FAM228B: variants seen among roughly 807,000 people sequenced by gnomAD.
FAM228B encodes the protein protein FAM228B.
Under a neutral mutation model 42.6 loss-of-function variants are expected in FAM228B, and 38 were observed. That is an observed-to-expected ratio of 0.89 (90% CI 0.69 to 1.17). The LOEUF (loss-of-function observed/expected upper bound fraction) is 1.17, where lower values mean the gene tolerates loss of function less well. Among genes scored for constraint, FAM228B ranks in the 50% most tolerant of loss-of-function variants. The pLI is 0.00. For missense variants in FAM228B, 344 were observed against 367.3 expected (o/e 0.94, Z 0.52); for synonymous variants, 109 against 122.3 (o/e 0.89, Z 0.72).
intron 2 of FAM228B, among the ~76,000 whole-genome samples, chr2:24,086,313 G>A (rs1444301989): frequency 6.7e-6 from 1 of 149,540 alleles, no homozygotes; most frequent in Non-Finnish European, 1.5e-5. Flanking sequence ...CCAAATAAAA[G>A]AATACAGTTT....
upstream of FAM228B, chr2:24,119,640 GA>G (rs763761528): frequency 6.2e-7 from 1 of 1,613,776 alleles, no homozygotes; most frequent in Admixed American, 1.7e-5. Context: ...GTTGCTACCA[GA>G]AGATACAGAT....
intron 4 of FAM228B, 57 bp from the exon 5 acceptor site, chr2:24,139,313 C>A: frequency 1.9e-6 from 2 of 1,060,732 alleles, no homozygotes; most frequent in Non-Finnish European, 2.8e-6. Context: ...TCCTGATATG[C>A]TCAAAATTAA....
chr2:24,169,177 C>T lies in FAM228B; in HGVS notation c.*15-179C>T, dbSNP rs113606642. On this transcript the variant is annotated intron_variant, in intron 10 of 10. Transcript: ENST00000615575. This position sits in a 1 kb window ranked among gnomAD's most constrained non-coding sequence, Gnocchi z 4.2. ...TCAGTGCTTCTGACTCCAGACAGCGCGAGGAAAGGCTGAGGCAGGAGGCCT... is the reference window on the plus strand; with the variant it reads ...TCAGTGCTTCTGACTCCAGACAGCGTGAGGAAAGGCTGAGGCAGGAGGCCT... Among the ~76,000 whole-genome samples, 5,911 of 152,158 alleles carry T rather than the reference C, an allele frequency of 0.039. 136 individuals are homozygous for T. The highest frequency in any genetic ancestry group is 0.06 in the African/African-American group (2,487 of 41,500).
At chr2:24,132,625 A>G (rs1666483411) in intron 2 of FAM228B, among the ~76,000 whole-genome samples, 1 of 151,930 alleles carries the variant, frequency 6.6e-6, no homozygotes, top group East Asian at 1.9e-4. Flanking sequence ...AGATTCCAAC[A>G]TATGGGTCAT....
At chr2:24,091,472 C>T (rs1284952133) in intron 2 of FAM228B, among the ~76,000 whole-genome samples, 1 of 152,000 alleles carries the variant, frequency 6.6e-6, no homozygotes, top group African/African-American at 2.4e-5. Flanking sequence ...TACAAAAAAC[C>T]ACAAGAGATG....
intron 7 of FAM228B, among the ~76,000 whole-genome samples, chr2:24,147,991 T>G (rs1264397122): frequency 6.6e-6 from 1 of 151,528 alleles, no homozygotes; most frequent in Non-Finnish European, 1.5e-5. Context: ...ATGGTGTACA[T>G]GGAGTATTTA....
At chr2:24,083,213 CT>C (rs539145903) in intron 2 of FAM228B, 161 of 1,488,508 alleles carry the variant, frequency 1.1e-4, no homozygotes, top group Non-Finnish European at 1.1e-4. Context: ...GTCACTACCC[CT>C]GGCCCCCCTT....
In FAM228B at chr2:24,156,994, C is replaced by T. The variant is rs112533791; in HGVS notation, c.687-4512C>T. On this transcript the variant is annotated intron_variant, in intron 7 of 10. Coordinates refer to ENST00000615575, the MANE Select transcript of FAM228B (RefSeq NM_001145710.2). ...GTAGGCTTTCCTTTTAGCACTTCTG[C>T]TGTACCCCAGAGGTTATGATAGGTT... 1.5e-3 allele frequency among the ~76,000 whole-genome samples: 235 copies of T among 152,288 alleles called. 2 individuals are homozygous for T. The highest frequency in any genetic ancestry group is 5.4e-3 in the African/African-American group (223 of 41,558).
At chr2:24,130,720 T>C (rs1432252178) in intron 2 of FAM228B, among the ~76,000 whole-genome samples, 1 of 152,190 alleles carries the variant, frequency 6.6e-6, no homozygotes, top group Non-Finnish European at 1.5e-5. Flanking sequence ...ATGGGTAGAT[T>C]GCAAAAATTT....
chr2:24,098,322 C>CA (rs1558369749), intron 3 of FAM228B, among the ~76,000 whole-genome samples: 1 of 152,030 alleles, frequency 6.6e-6, no homozygotes, highest in East Asian at 1.9e-4. Flanking sequence ...GAAAACCCTT[C>CA]AAAAAAATCA....
chr2:24,150,133 C>T (rs1020567406), intron 7 of FAM228B, among the ~76,000 whole-genome samples: 1 of 152,014 alleles, frequency 6.6e-6, no homozygotes, highest in African/African-American at 2.4e-5. Context: ...AGTATTTGCA[C>T]ACCACCATTG....
In FAM228B at chr2:24,077,814, C is replaced by T; in HGVS notation, c.-290+845C>T. 1 of 1,554,324 alleles carries T rather than the reference C, an allele frequency of 6.4e-7. No homozygotes were observed. The highest frequency in any genetic ancestry group is 8.7e-7 in the Non-Finnish European group (1 of 1,146,404). ...CCTGGGGAGAGAGCCTCACCCTGCC[C>T]TCCTCATCCTCCTCAGCCTTCTTGC... On this transcript the variant is annotated intron_variant, in intron 1 of 10. Transcript: ENST00000613899. This position sits in a 1 kb window ranked among gnomAD's most constrained non-coding sequence, Gnocchi z 5.5.
At chr2:24,118,263 C>G (rs1215917871) in intron 3 of FAM228B, among the ~76,000 whole-genome samples, 1 of 152,178 alleles carries the variant, frequency 6.6e-6, no homozygotes. Flanking sequence ...TGAAATGGAG[C>G]CTCCTTCAAA....
intron 2 of FAM228B, among the ~76,000 whole-genome samples, chr2:24,081,498 C>A (rs1286159529): frequency 6.6e-6 from 1 of 152,210 alleles, no homozygotes; most frequent in Non-Finnish European, 1.5e-5. Flanking sequence ...CACCAGGCTC[C>A]TCTTCCTAAG....
chr2:24,112,795 T>C (rs1309126578), intron 3 of FAM228B, among the ~76,000 whole-genome samples: 1 of 152,158 alleles, frequency 6.6e-6, no homozygotes, highest in Non-Finnish European at 1.5e-5. Flanking sequence ...ATCTTCCCAT[T>C]TTCATTGATC....
chr2:24,103,998 C>A (rs1470573180), intron 3 of FAM228B, among the ~76,000 whole-genome samples: 1 of 152,196 alleles, frequency 6.6e-6, no homozygotes, highest in Non-Finnish European at 1.5e-5. Context: ...CTCATGTGTG[C>A]TGCTGTTTTG....
At chr2:24,115,717 T>C (rs1352063819) in intron 3 of FAM228B, 10 of 1,243,646 alleles carry the variant, frequency 8.0e-6, no homozygotes, top group Admixed American at 1.7e-5. Flanking sequence ...GTGACTGCCA[T>C]GTGCTAGGCA....
chr2:24,116,603 C>T (rs1665925950), intron 3 of FAM228B, among the ~76,000 whole-genome samples: 1 of 152,054 alleles, frequency 6.6e-6, no homozygotes, highest in Admixed American at 6.5e-5. Flanking sequence ...GCCTATAATC[C>T]CAGCACTTTG....
At chr2:24,155,631 C>T (rs547249595) in intron 7 of FAM228B, among the ~76,000 whole-genome samples, 52 of 145,004 alleles carry the variant, frequency 3.6e-4, no homozygotes, top group African/African-American at 1.3e-3. Flanking sequence ...ACCTCTGCCT[C>T]CCCAGTTCAA....
Sources: gnomAD v4.1 joint callset for allele counts (sites outside exome capture counted in the v4.1 genomes callset) on GRCh38, gnomAD v4.1.1 for gene constraint, Gnocchi (gnomAD v3.1) non-coding constraint, MANE v1.5 for transcripts, NCBI Gene and HGNC (gene_info 2026-07-23, HGNC 2026-07-21) for gene names.